The following SGCZ variants were observed in gnomAD, a reference collection of about 807,000 sequenced individuals.
SGCZ encodes the protein sarcoglycan zeta, also known as zeta-sarcoglycan.
SGCZ carries 40 observed loss-of-function variants against 41.3 expected under a neutral mutation model. That is an observed-to-expected ratio of 0.97 (90% CI 0.75 to 1.26). SGCZ has a LOEUF of 1.26. SGCZ is among the 50% of genes most tolerant of loss of function. The probability of loss-of-function intolerance (pLI) is 0.00; values close to 1 mark genes in which losing one functional copy is unlikely to be tolerated. For synonymous variants in SGCZ, 206 were observed against 137.5 expected (o/e 1.50, Z -3.49); for missense variants, 552 against 369.8 (o/e 1.49, Z -4.04).
intron 1 of SGCZ, among the ~76,000 whole-genome samples, chr8:14,814,685 C>G (rs538534592): frequency 6.6e-6 from 1 of 152,102 alleles, no homozygotes; most frequent in Non-Finnish European, 1.5e-5. Flanking sequence ...CAGGTAGGAA[C>G]TTGGAGAATT....
intron 1 of SGCZ, among the ~76,000 whole-genome samples, chr8:14,804,048 G>A (rs1371144796): frequency 8.2e-6 from 1 of 122,446 alleles, no homozygotes; most frequent in Non-Finnish European, 1.6e-5. Flanking sequence ...CTAACAAACA[G>A]AAAGGACATC....
intron 5 of SGCZ, among the ~76,000 whole-genome samples, chr8:14,153,921 TCTCACACACACACACACAGACACA>T (rs1476403738): frequency 5.1e-5 from 6 of 117,100 alleles, no homozygotes; most frequent in African/African-American, 2.5e-4. Flanking sequence ...TCTCTCTCTC[TCTCACACACACACACACAGACACA>T]CACACACACA....
Position 15,164,550 on chromosome 8 carries a change from C to T in SGCZ, c.39+73035G>A, listed in dbSNP as rs572649666. The stretch of plus-strand genomic sequence containing the variant: ...ATCTCCGTGGTGGAAGAACCACTTG[C>T]CTAAGAATAAGAGGTTCTTCCCCAG... On this transcript the variant is annotated intron_variant, in intron 1 of 7. Transcript: ENST00000382080. Among the ~76,000 whole-genome samples the T allele has an allele frequency of 3.9e-5, 6 of 152,076 alleles. No homozygotes were observed. In the East Asian group the frequency reaches 1.2e-3, roughly 30 times the overall value.
At chr8:14,749,668 T>C (rs571250714) in intron 1 of SGCZ, among the ~76,000 whole-genome samples, 2 of 152,280 alleles carry the variant, frequency 1.3e-5, no homozygotes, top group South Asian at 4.1e-4. Context: ...GTTAGGAGAA[T>C]TGTTACCATA....
chr8:15,097,443 T>G (rs1186895924), intron 1 of SGCZ, among the ~76,000 whole-genome samples: 8 of 151,402 alleles, frequency 5.3e-5, no homozygotes. Flanking sequence ...TATTGCTGAG[T>G]GTGAAAAAAA....
intron 1 of SGCZ, among the ~76,000 whole-genome samples, chr8:14,711,790 C>T (rs1264350296): frequency 6.6e-6 from 1 of 152,046 alleles, no homozygotes. Context: ...TTATCTGGTA[C>T]GTTCTGATAG....
intron 1 of SGCZ, among the ~76,000 whole-genome samples, chr8:15,202,503 G>C (rs542664324): frequency 1.4e-4 from 21 of 152,090 alleles, no homozygotes; most frequent in Admixed American, 3.9e-4. Flanking sequence ...TTAGGGAAAA[G>C]GTTGGGAGGT....
intron 3 of SGCZ, among the ~76,000 whole-genome samples, chr8:14,238,183 A>G (rs1368923591): frequency 6.6e-6 from 1 of 152,190 alleles, no homozygotes; most frequent in Non-Finnish European, 1.5e-5. Context: ...ATCACAAAGC[A>G]ATTTAATTTT....
At chr8:14,496,974 G>A (rs563996065) in intron 2 of SGCZ, among the ~76,000 whole-genome samples, 1 of 152,184 alleles carries the variant, frequency 6.6e-6, no homozygotes, top group Non-Finnish European at 1.5e-5. Flanking sequence ...TGTAGCTGCT[G>A]CATAGTTTTC....
chr8:14,678,103 G>C (rs959659542), intron 1 of SGCZ, among the ~76,000 whole-genome samples: 1 of 152,118 alleles, frequency 6.6e-6, no homozygotes, highest in Non-Finnish European at 1.5e-5. Context: ...AGTAACATAG[G>C]AGAAAATCTA....
At chr8:14,238,277 G>A (rs527521849) in intron 3 of SGCZ, among the ~76,000 whole-genome samples, 1 of 152,170 alleles carries the variant, frequency 6.6e-6, no homozygotes, top group African/African-American at 2.4e-5. Context: ...AACCATGACA[G>A]CTGTGTCTAT....
At chr8:14,095,017 G>C (rs1360750486) in intron 7 of SGCZ, among the ~76,000 whole-genome samples, 1 of 151,800 alleles carries the variant, frequency 6.6e-6, no homozygotes, top group Non-Finnish European at 1.5e-5. Flanking sequence ...TTTAGATTCT[G>C]GATATTAGCC....
At chr8:14,550,649 C>T (rs879598909) in intron 2 of SGCZ, among the ~76,000 whole-genome samples, 2 of 151,860 alleles carry the variant, frequency 1.3e-5, no homozygotes, top group Non-Finnish European at 2.9e-5. Flanking sequence ...TTGCGTAGAT[C>T]ACAGGAGCAT....
At chr8:14,267,913 C>A (rs1443416356) in intron 3 of SGCZ, among the ~76,000 whole-genome samples, 4 of 151,916 alleles carry the variant, frequency 2.6e-5, no homozygotes, top group Non-Finnish European at 5.9e-5. Flanking sequence ...GTTCTTTCTG[C>A]ATTTCTCTTA....
intron 3 of SGCZ, among the ~76,000 whole-genome samples, chr8:14,271,135 C>A (rs7463570): frequency 1.4e-4 from 21 of 151,526 alleles, no homozygotes; most frequent in Admixed American, 1.1e-3. Context: ...CAATATGGCA[C>A]ATGTATACAT....
chr8:15,119,746 C>T (rs560657605), intron 1 of SGCZ, among the ~76,000 whole-genome samples: 1 of 152,220 alleles, frequency 6.6e-6, no homozygotes, highest in Non-Finnish European at 1.5e-5. Context: ...TTAATTCCTT[C>T]ACTCTCCCAT....
At chr8:15,190,783 A>G (rs1203252899) in intron 1 of SGCZ, among the ~76,000 whole-genome samples, 1 of 152,044 alleles carries the variant, frequency 6.6e-6, no homozygotes, top group Non-Finnish European at 1.5e-5. Flanking sequence ...GCAATTTTGT[A>G]AAAAGTCTTC....
chr8:14,153,940 GACAC>G (rs57842795), intron 5 of SGCZ, among the ~76,000 whole-genome samples: 54,591 of 141,880 alleles, frequency 0.38, 10,587 homozygotes, highest in East Asian at 0.67. Context: ...CACACACACA[GACAC>G]ACACACACAC....
At chr8:14,185,291 C>T (rs559062173) in intron 4 of SGCZ, among the ~76,000 whole-genome samples, 27 of 152,128 alleles carry the variant, frequency 1.8e-4, no homozygotes, top group African/African-American at 6.5e-4. Context: ...GTAGTCCTAG[C>T]TACTCGCAGG....
Sources: allele counts gnomAD v4.1 joint callset (sites outside exome capture counted in the v4.1 genomes callset), GRCh38; gene constraint gnomAD v4.1.1; transcripts MANE v1.5; gene names NCBI Gene and HGNC (gene_info 2026-07-23, HGNC 2026-07-21).